Variants in ZNF43 observed in about 807,000 individuals in gnomAD.
The protein encoded by ZNF43 is zinc finger protein 43, also known as zinc finger protein 39-like 1 (KOX 27).
ZNF43 carries 44 observed loss-of-function variants against 68.4 expected under a neutral mutation model. That is an observed-to-expected ratio of 0.64 (90% CI 0.51 to 0.83). The LOEUF (loss-of-function observed/expected upper bound fraction) is 0.83, where lower values mean the gene tolerates loss of function less well. ZNF43 is among the 40% of genes least tolerant of loss of function. The pLI is 0.00. For synonymous variants in ZNF43, 308 were observed against 307.8 expected, an observed-to-expected ratio of 1.00 and a Z score of -0.01; for missense variants, 896 against 933.2, an observed-to-expected ratio of 0.96 and a Z score of 0.52.
Position 21,809,592 on chromosome 19 carries a change from CAAATAG to C in ZNF43, c.439_444del (p.Leu147_Phe148del). The stretch of plus-strand genomic sequence containing the variant: ...TTATGAAAGGCTTTCACACATTTAT[CAAATAG>C]AAATATTTTGCTCTGGGTAGCTGGC... On this transcript the variant is annotated inframe_deletion, in exon 4 of 4. Transcript: ENST00000354959. 6.2e-7 allele frequency: 1 copy of C among 1,611,730 alleles called. No individual in the cohort carries two copies. Among genetic ancestry groups the C allele is most frequent in the Admixed American group, 1.7e-5 (1 of 59,440 alleles).
At chr19:21,835,045 G>T (rs1382145538) in intron 1 of ZNF43, among the ~76,000 whole-genome samples, 1 of 149,674 alleles carries the variant, frequency 6.7e-6, no homozygotes, top group East Asian at 2.0e-4. Flanking sequence ...TCAGGAGTTC[G>T]AGACCACCTG....
chr19:21,829,578 T>C (rs1368242163), intron 1 of ZNF43, among the ~76,000 whole-genome samples: 3 of 151,968 alleles, frequency 2.0e-5, no homozygotes, highest in African/African-American at 7.3e-5. Flanking sequence ...CAATCTTGAG[T>C]CAAAAGAATG....
At chr19:21,834,518 G>C (rs2038595471) in intron 1 of ZNF43, among the ~76,000 whole-genome samples, 1 of 151,880 alleles carries the variant, frequency 6.6e-6, no homozygotes, top group Non-Finnish European at 1.5e-5. Flanking sequence ...TTGCACTTTG[G>C]GAGGCCAAGG....
intron 1 of ZNF43, among the ~76,000 whole-genome samples, chr19:21,824,197 T>C (rs539766855): frequency 3.3e-5 from 5 of 151,918 alleles, no homozygotes; most frequent in South Asian, 2.1e-4. Flanking sequence ...AAAAAGAAAA[T>C]AGAACTGCCC....
intron 1 of ZNF43, among the ~76,000 whole-genome samples, chr19:21,824,023 CACAAA>C (rs1292598270): frequency 1.3e-5 from 2 of 151,888 alleles, no homozygotes; most frequent in African/African-American, 2.4e-5. Context: ...CTACTAAAAA[CACAAA>C]ACAAAAAAAA....
intron 3 of ZNF43, chr19:21,812,053 C>T (rs2037300060): frequency 2.0e-5 from 8 of 398,348 alleles, no homozygotes; most frequent in Admixed American, 8.8e-5. Context: ...AGAGACAATG[C>T]CTCCTAGAAA....
In ZNF43 at chr19:21,817,984, T is replaced by C. The variant is rs1235649073; in HGVS notation, c.133A>G (p.Ile45Val). The change falls in exon 3 of 4, where the codon ATT (isoleucine) becomes GTT (valine). Residue 45 changes from isoleucine to valine, a missense_variant and splice_region_variant. By Grantham distance (29) the Ile-to-Val change is conservative. Transcript: ENST00000354959. ...ATCAGGTCTGGCTTAGAGACAGCAA[T>C]ACCTGTTTCAATAAAAAATAAATTA... ...ENYRNLVFLG[I>V]AVSKPDLITC... The C allele has an allele frequency of 1.9e-6, 3 of 1,610,904 alleles. No homozygotes were observed. Among genetic ancestry groups the C allele is most frequent in the East Asian group, 2.2e-5 (1 of 44,840 alleles).
intron 3 of ZNF43, among the ~76,000 whole-genome samples, chr19:21,813,763 A>C (rs1326300054): frequency 1.6e-5 from 2 of 126,230 alleles, no homozygotes; most frequent in Non-Finnish European, 3.2e-5. Flanking sequence ...CATGAGTGAA[A>C]AGTACTTTTT....
intron 1 of ZNF43, among the ~76,000 whole-genome samples, chr19:21,827,544 C>A (rs1020137703): frequency 6.7e-6 from 1 of 149,386 alleles, no homozygotes; most frequent in African/African-American, 2.5e-5. Context: ...CTATTTTTGG[C>A]AGAGACAGGG....
chr19:21,828,755 C>T (rs867214368), intron 1 of ZNF43, among the ~76,000 whole-genome samples: 9 of 149,010 alleles, frequency 6.0e-5, no homozygotes, highest in African/African-American at 2.2e-4. Context: ...AAAATACAGC[C>T]GGACGCGGTG....
chr19:21,812,059 A>C, intron 3 of ZNF43: 1 of 398,498 alleles, frequency 2.5e-6, no homozygotes, highest in Non-Finnish European at 4.4e-6. Flanking sequence ...AATGCCTCCT[A>C]GAAAATGAGT....
At chr19:21,819,361 T>C in intron 1 of ZNF43, 140 bp from the exon 2 acceptor site, 1 of 952,830 alleles carries the variant, frequency 1.0e-6, no homozygotes. Context: ...AATTATCCAA[T>C]AAAATAATTC....
chr19:21,834,673 C>T (rs2038602533), intron 1 of ZNF43, among the ~76,000 whole-genome samples: 1 of 151,292 alleles, frequency 6.6e-6, no homozygotes, highest in Admixed American at 6.6e-5. Context: ...GCAGGAGAAT[C>T]GGTTGAACCC....
At chr19:21,846,473 A>G (rs1967963557) in intron 1 of ZNF43, among the ~76,000 whole-genome samples, 1 of 152,208 alleles carries the variant, frequency 6.6e-6, no homozygotes, top group Non-Finnish European at 1.5e-5. Flanking sequence ...AGCCCAGATA[A>G]AAGAGGAGAG....
In ZNF43 at chr19:21,809,052, G is replaced by C. The variant is rs148905941; in HGVS notation, c.985C>G (p.Leu329Val). 66 of 1,609,878 alleles carry C rather than the reference G, an allele frequency of 4.1e-5. No homozygotes were observed. In the African/African-American group the frequency reaches 8.8e-4, roughly 21 times the overall value. The change falls in exon 4 of 4, where the codon CTT becomes GTT. Residue 329 changes from leucine to valine, a missense_variant. By Grantham distance (32) the Leu-to-Val change is conservative. Transcript: ENST00000354959. ...CGKAFNWPSTLTKHKRIHTGE... is the reference protein window; with the variant it reads ...CGKAFNWPSTVTKHKRIHTGE... ...GTATGAATTCTCTTATGTTTAGTAA[G>C]AGTTGAGGGCCAGTTAAAGGCTTTG...
intron 1 of ZNF43, among the ~76,000 whole-genome samples, chr19:21,845,183 G>A (rs1313558835): frequency 3.3e-5 from 5 of 151,896 alleles, no homozygotes; most frequent in African/African-American, 7.3e-5. Flanking sequence ...TGCTCTCTAT[G>A]AGCAATACCC....
intron 1 of ZNF43, chr19:21,851,893 C>T (rs1483808808): frequency 3.8e-6 from 6 of 1,576,400 alleles, no homozygotes; most frequent in Non-Finnish European, 5.2e-6. Context: ...ATGCCTAACC[C>T]CGCACACTCA....
intron 1 of ZNF43, among the ~76,000 whole-genome samples, chr19:21,830,050 G>A (rs189964928): frequency 2.0e-5 from 3 of 152,134 alleles, no homozygotes; most frequent in Non-Finnish European, 2.9e-5. Flanking sequence ...TCTGGAGTTC[G>A]AGACCAGCCT....
chr19:21,852,003 T>A, exon 1 of ZNF43: 2 of 1,499,004 alleles, frequency 1.3e-6, no homozygotes, highest in Non-Finnish European at 1.8e-6. Flanking sequence ...TCACCGGGGA[T>A]TCCCGAGTTG....
Sources: gnomAD v4.1 joint callset for allele counts (sites outside exome capture counted in the v4.1 genomes callset) on GRCh38, gnomAD v4.1.1 for gene constraint, MANE v1.5 for transcripts, NCBI Gene and HGNC (gene_info 2026-07-23, HGNC 2026-07-21) for gene names.